ITPR3: variants seen among roughly 807,000 people sequenced by gnomAD.
ITPR3 encodes the protein inositol 1,4,5-trisphosphate receptor type 3.
ITPR3 carries 173 observed loss-of-function variants against 293.2 expected under a neutral mutation model. That is an observed-to-expected ratio of 0.59 (90% confidence interval 0.52 to 0.67). The LOEUF (loss-of-function observed/expected upper bound fraction) is 0.67. ITPR3 is among the 30% of genes least tolerant of loss of function. The pLI, the probability that ITPR3 is intolerant of heterozygous loss-of-function variation, is 0.00. For synonymous variants in ITPR3, 1,295 were observed against 1,444.4 expected, an observed-to-expected ratio of 0.90 and a Z score of 2.35; for missense variants, 2,796 against 3,592.1, an observed-to-expected ratio of 0.78 and a Z score of 5.66.
In ITPR3 at chr6:33,688,732, C is replaced by CATA; in HGVS notation, c.6646_6647insTAA (p.Ile2215dup). 1 of 1,614,220 alleles carries CATA rather than the reference C, an allele frequency of 6.2e-7. No homozygotes were observed. Among genetic ancestry groups the CATA allele is most frequent in the Non-Finnish European group, 8.5e-7 (1 of 1,180,030 alleles). The stretch of plus-strand genomic sequence containing the variant: ...TCTCCTTCAACCTGGCCGTGTTTAT[C>CATA]AACATCATCATTGCCTTCTTCTACC... On this transcript the variant is annotated inframe_insertion, in exon 49 of 58. Coordinates refer to ENST00000605930, the MANE Select transcript of ITPR3 (RefSeq NM_002224.4).
intron 57 of ITPR3, 156 bp from the exon 58 acceptor site, chr6:33,695,556 C>A (rs1199719285): frequency 2.9e-6 from 2 of 685,176 alleles, no homozygotes; most frequent in South Asian, 3.5e-5. Context: ...CTGACATCGA[C>A]ATCCTTAAAG....
chr6:33,669,185 C>T (rs768736921), intron 18 of ITPR3, 29 bp downstream of exon 18: 14 of 1,602,570 alleles, frequency 8.7e-6, no homozygotes, highest in Non-Finnish European at 1.2e-5. Context: ...TCCCCTCCCT[C>T]TTCCTGTGCC....
chr6:33,670,933 C>A lies in ITPR3; in HGVS notation c.2586+118C>A, dbSNP rs2127283727. On this transcript the variant is annotated intron_variant, in intron 20 of 57. Transcript: ENST00000605930. This position sits in a 1 kb window ranked among gnomAD's most constrained non-coding sequence, Gnocchi z 6.7. ...TCCATGACCCCACTTCCTTCTGTGT[C>A]CCCAGCCAGTGCAGGGGGACCGCAT... The A allele has an allele frequency of 1.4e-6, 2 of 1,389,744 alleles. No individual in the cohort carries two copies. The highest frequency in any genetic ancestry group is 2.6e-5 in the South Asian group (2 of 76,388). The allele number at this position is 1,389,744 out of a possible 1,614,324, so 86.1% of individuals were successfully genotyped here.
intron 13 of ITPR3, 55 bp from the exon 14 acceptor site, chr6:33,665,780 G>A: frequency 6.2e-7 from 1 of 1,601,316 alleles, no homozygotes; most frequent in South Asian, 1.1e-5. Flanking sequence ...TCCCCAAGAG[G>A]GACACCTGCT....
chr6:33,689,547 T>C (rs899732169), intron 50 of ITPR3, 137 bp downstream of exon 50: 2 of 960,926 alleles, frequency 2.1e-6, no homozygotes, highest in African/African-American at 1.6e-5. Flanking sequence ...AAGTTCCTTA[T>C]AGACCGGTGG....
Position 33,640,467 on chromosome 6 carries a change from G to A in ITPR3, c.90-17G>A. The A allele has an allele frequency of 6.2e-7, 1 of 1,611,682 alleles. No individual in the cohort carries two copies. On this transcript the variant is annotated splice_polypyrimidine_tract_variant and intron_variant, in intron 1 of 57. Coordinates refer to ENST00000605930, the MANE Select transcript of ITPR3 (RefSeq NM_002224.4). ...AGGTCTCTTCTCTCCTGCTGACCGAGCTGCTTTGTTCCCCAGGCTGGTGGA... is the reference window on the plus strand; with the variant it reads ...AGGTCTCTTCTCTCCTGCTGACCGAACTGCTTTGTTCCCCAGGCTGGTGGA...
At position 33,665,109 on chromosome 6, in the gene ITPR3, C is replaced by G; in HGVS notation, c.1305C>G (p.Pro435=). 6.2e-7 allele frequency: 1 copy of G among 1,614,144 alleles called. No individual in the cohort carries two copies. Among genetic ancestry groups the G allele is most frequent in the Non-Finnish European group, 8.5e-7 (1 of 1,180,034 alleles). ...DKEAFAIVSV[P]VSEIRDLDFA... is the part of the protein sequence containing the mutation. ...AGGCCTTTGCCATCGTGTCAGTGCCCGTGTCTGAGATCCGAGACCTGGACT... is the reference window on the plus strand; with the variant it reads ...AGGCCTTTGCCATCGTGTCAGTGCCGGTGTCTGAGATCCGAGACCTGGACT... Residue 435 remains proline (P), a synonymous_variant, in exon 13 of 58, where the codon CCC becomes CCG. Transcript: ENST00000605930.
chr6:33,659,129 TG>T lies in ITPR3; in HGVS notation c.627+16del, dbSNP rs367732187. ...CGCCGGCTGCAAGGAGGTGAGGGGG[TG>T]GGGGGTCAGCCATGCAGTGCAGGGA... On this transcript the variant is annotated intron_variant, in intron 6 of 57. Coordinates refer to ENST00000605930, the MANE Select transcript of ITPR3 (RefSeq NM_002224.4). 1,181 of 1,589,712 alleles carry T rather than the reference TG, an allele frequency of 7.4e-4. 6 individuals are homozygous for T. In the African/African-American group the frequency reaches 0.01, roughly 13 times the overall value.
chr6:33,665,407 C>G (rs1355765682), intron 13 of ITPR3, among the ~76,000 whole-genome samples, 194 bp downstream of exon 13: 1 of 152,188 alleles, frequency 6.6e-6, no homozygotes, highest in Non-Finnish European at 1.5e-5. Context: ...CAGAACTAAC[C>G]CTATGATGGA....
intron 21 of ITPR3, 67 bp downstream of exon 21, chr6:33,671,373 C>T: frequency 8.6e-7 from 1 of 1,160,796 alleles, no homozygotes; most frequent in Non-Finnish European, 1.2e-6. Context: ...AGGAAGTTCC[C>T]TCAGATCAAC....
In ITPR3 at chr6:33,691,849, T is replaced by C; in HGVS notation, c.7379T>C (p.Met2460Thr). ...GAGCGGGCCTGTGACACTCTGTTGATGTGCATCGTCACTGTCATGAACCAT... is the reference window on the plus strand; with the variant it reads ...GAGCGGGCCTGTGACACTCTGTTGACGTGCATCGTCACTGTCATGAACCAT... ...STERACDTLL[M>T]CIVTVMNHGL... Residue 2460 changes from methionine to threonine, a missense_variant, in exon 54 of 58, where the codon ATG (methionine) becomes ACG (threonine). Physicochemically the swap from Met to Thr is moderately conservative, Grantham distance 81. Coordinates refer to ENST00000605930, the MANE Select transcript of ITPR3 (RefSeq NM_002224.4). This position sits in a 1 kb window ranked among gnomAD's most constrained non-coding sequence, Gnocchi z 4.9. 1 of 1,614,096 alleles carries C rather than the reference T, an allele frequency of 6.2e-7. No individual in the cohort carries two copies. The highest frequency in any genetic ancestry group is 2.2e-5 in the East Asian group (1 of 44,872).
chr6:33,649,514 C>T (rs1286784679), intron 2 of ITPR3, among the ~76,000 whole-genome samples: 1 of 152,192 alleles, frequency 6.6e-6, no homozygotes, highest in African/African-American at 2.4e-5. Flanking sequence ...CGTGAGCCAC[C>T]GCGCCCAGCC....
intron 24 of ITPR3, 121 bp downstream of exon 24, chr6:33,674,386 C>A (rs1031124799): frequency 2.2e-6 from 2 of 907,316 alleles, no homozygotes; most frequent in Admixed American, 2.3e-5. Flanking sequence ...CCTCTGCAGA[C>A]CCTCACCGGG....
At chr6:33,649,472 G>T (rs1764140424) in intron 2 of ITPR3, among the ~76,000 whole-genome samples, 1 of 152,194 alleles carries the variant, frequency 6.6e-6, no homozygotes, top group Non-Finnish European at 1.5e-5. Context: ...TGATCCGCCT[G>T]CCTTGGCCTC....
rs747157089 is a variant in ITPR3 at position 33,687,115 on chromosome 6, G to C, written c.6075+11G>C. The C allele has an allele frequency of 1.1e-5, 17 of 1,612,420 alleles. No homozygotes were observed. Among genetic ancestry groups the C allele is most frequent in the Non-Finnish European group, 1.4e-5 (17 of 1,178,862 alleles). On this transcript the variant is annotated intron_variant, in intron 44 of 57. Coordinates refer to ENST00000605930, the MANE Select transcript of ITPR3 (RefSeq NM_002224.4). This position sits in a 1 kb window ranked among gnomAD's most constrained non-coding sequence, Gnocchi z 5.3. ...CGGCCCCAGGAGCTGGTGAGGCTGG[G>C]CAGGTGGGCAGGCGGGCGGAACCAG...
In ITPR3 at chr6:33,691,850, G is replaced by A; in HGVS notation, c.7380G>A (p.Met2460Ile). The A allele has an allele frequency of 6.2e-7, 1 of 1,614,164 alleles. No homozygotes were observed. The highest frequency in any genetic ancestry group is 1.1e-5 in the South Asian group (1 of 91,084). ...AGCGGGCCTGTGACACTCTGTTGAT[G>A]TGCATCGTCACTGTCATGAACCATG... ...STERACDTLLMCIVTVMNHGL... is the reference protein window; with the variant it reads ...STERACDTLLICIVTVMNHGL... Residue 2460 changes from methionine to isoleucine, a missense_variant, in exon 54 of 58, where the codon ATG (methionine) becomes ATA (isoleucine). Physicochemically the swap from Met to Ile is conservative, Grantham distance 10. This residue lies in a region of ITPR3 where 568 missense variants were observed against 796.1 expected (regional missense o/e 0.71). Coordinates refer to ENST00000605930, the MANE Select transcript of ITPR3 (RefSeq NM_002224.4). This position sits in a 1 kb window ranked among gnomAD's most constrained non-coding sequence, Gnocchi z 4.9.
chr6:33,639,194 G>C (rs1763890530), intron 1 of ITPR3, among the ~76,000 whole-genome samples: 1 of 152,026 alleles, frequency 6.6e-6, no homozygotes, highest in Non-Finnish European at 1.5e-5. Context: ...GCCTGGCCAA[G>C]ATGGTGAAAC....
chr6:33,689,429 C>T lies in ITPR3; in HGVS notation c.6867+19C>T, dbSNP rs1047257174. The T allele has an allele frequency of 8.1e-6, 13 of 1,603,792 alleles. No individual in the cohort carries two copies. In the African/African-American group the frequency reaches 1.2e-4, roughly 15 times the overall value. On this transcript the variant is annotated intron_variant, in intron 50 of 57. Coordinates refer to ENST00000605930, the MANE Select transcript of ITPR3 (RefSeq NM_002224.4). Reference sequence around the variant, plus strand: ...CCTCAATGTGAGTGCCAGAGGGAGCCCCCATTCCCAAACAAGCTCATGCTC... The same window carrying T: ...CCTCAATGTGAGTGCCAGAGGGAGCTCCCATTCCCAAACAAGCTCATGCTC...
At chr6:33,665,685 A>C in intron 13 of ITPR3, 150 bp from the exon 14 acceptor site, 2 of 818,822 alleles carry the variant, frequency 2.4e-6, no homozygotes, top group Non-Finnish European at 3.8e-6. Flanking sequence ...AAAGCCGGGA[A>C]GAGGAATTGT....
Sources: gnomAD v4.1 joint callset for allele counts (sites outside exome capture counted in the v4.1 genomes callset) on GRCh38, gnomAD v4.1.1 for gene constraint, gnomAD v4.1.1 regional missense constraint, Gnocchi (gnomAD v3.1) non-coding constraint, MANE v1.5 for transcripts, NCBI Gene and HGNC (gene_info 2026-07-23, HGNC 2026-07-21) for gene names.